The following BDH1 variants were observed in gnomAD, a reference collection of about 807,000 sequenced individuals.
BDH1 encodes the protein D-beta-hydroxybutyrate dehydrogenase, mitochondrial.
A neutral mutation model predicts 33.1 loss-of-function variants in BDH1; 30 were observed. The ratio of observed to expected loss-of-function variants is 0.91; its 90% CI spans 0.68 to 1.23. The LOEUF is 1.23. Among genes scored for constraint, BDH1 ranks in the 50% most tolerant of loss-of-function variants. The pLI is 0.00. For synonymous variants in BDH1, 190 were observed against 183.6 expected (o/e 1.03, Z -0.28); for missense variants, 443 against 464.4 (o/e 0.95, Z 0.42).
At position 197,511,590 on chromosome 3, in the gene BDH1, ATC is replaced by A. The variant is rs1199149479; in HGVS notation, c.*303_*304del. 5.2e-6 allele frequency: 2 copies of A among 382,182 alleles called. No homozygotes were observed. Among genetic ancestry groups the A allele is most frequent in the Non-Finnish European group, 9.3e-6 (2 of 214,720 alleles). The allele number at this position is 382,182 out of a possible 1,614,324, so 23.7% of individuals were successfully genotyped here. A position where few individuals can be genotyped will look rare whatever the true frequency, so the allele number is the denominator to read the frequency against. On this transcript the variant is annotated 3_prime_UTR_variant, in exon 8 of 8. Coordinates refer to ENST00000392379, the MANE Select transcript of BDH1 (RefSeq NM_203314.3). Reference sequence around the variant, plus strand: ...GAGACTGGCTTAAGGATCAAATGAGATCTGTTTTTAATATAAAGATGTTTTCT... The same window carrying A: ...GAGACTGGCTTAAGGATCAAATGAGATGTTTTTAATATAAAGATGTTTTCT...
chr3:197,516,497 C>T lies in BDH1; in HGVS notation c.410-2081G>A, dbSNP rs1712739041. On this transcript the variant is annotated intron_variant, in intron 6 of 7. Coordinates refer to ENST00000392379, the MANE Select transcript of BDH1 (RefSeq NM_203314.3). This position sits in a 1 kb window ranked among gnomAD's most constrained non-coding sequence, Gnocchi z 4.2. ...CCTCAGCCAATGTTCTGAATAAACT[C>T]ACGGAGGCATGCCCGCTGGTTGGGT... Among the ~76,000 whole-genome samples the T allele has an allele frequency of 6.6e-6, 1 of 152,126 alleles. No homozygotes were observed. Among genetic ancestry groups the T allele is most frequent in the South Asian group, 2.1e-4 (1 of 4,824 alleles).
chr3:197,549,138 T>C (rs1021802278), intron 2 of BDH1, among the ~76,000 whole-genome samples: 3 of 152,154 alleles, frequency 2.0e-5, no homozygotes, highest in Non-Finnish European at 4.4e-5. Flanking sequence ...CTCCTCAGCC[T>C]TGAAAGTCAA....
chr3:197,515,953 A>G lies in BDH1; in HGVS notation c.410-1537T>C, dbSNP rs186120400. ...GCTCTATCCTCTCCATCTCCCTTCC[A>G]TACCACACTGGGTCCCAGCCCTCAG... On this transcript the variant is annotated intron_variant, in intron 6 of 7. Coordinates refer to ENST00000392379, the MANE Select transcript of BDH1 (RefSeq NM_203314.3). 7.2e-3 allele frequency: 1,111 copies of G among 153,676 alleles called. 13 individuals carry two copies. The highest frequency in any genetic ancestry group is 0.025 in the African/African-American group (1,038 of 41,458). The allele number at this position is 153,676 out of a possible 1,614,324, so 9.5% of individuals were successfully genotyped here.
At chr3:197,532,223 A>C (rs571978526) in intron 5 of BDH1, among the ~76,000 whole-genome samples, 189 bp downstream of exon 5, 2 of 152,270 alleles carry the variant, frequency 1.3e-5, no homozygotes, top group Admixed American at 1.3e-4. Context: ...GAGAGGATGG[A>C]TGGATGGATG....
chr3:197,552,595 T>C (rs945632455), intron 2 of BDH1, among the ~76,000 whole-genome samples: 1 of 152,186 alleles, frequency 6.6e-6, no homozygotes, highest in African/African-American at 2.4e-5. Flanking sequence ...TCAGGGCCTT[T>C]GTCCTTACTG....
chr3:197,564,187 G>T (rs1217686379), intron 1 of BDH1, among the ~76,000 whole-genome samples: 2 of 150,166 alleles, frequency 1.3e-5, no homozygotes, highest in Non-Finnish European at 2.9e-5. Flanking sequence ...ATATAAGAAA[G>T]AATCTTGTAT....
chr3:197,550,390 C>T (rs1290102293), intron 2 of BDH1, among the ~76,000 whole-genome samples: 1 of 152,234 alleles, frequency 6.6e-6, no homozygotes, highest in Admixed American at 6.5e-5. Context: ...TCCGATAACA[C>T]ACCACATACA....
chr3:197,567,565 C>T (rs1006518158), intron 1 of BDH1, among the ~76,000 whole-genome samples: 1 of 152,192 alleles, frequency 6.6e-6, no homozygotes, highest in Non-Finnish European at 1.5e-5. Context: ...CTTCTCATGT[C>T]TCTCTAAAAT....
At chr3:197,539,505 G>T (rs1448100387) in intron 3 of BDH1, among the ~76,000 whole-genome samples, 1 of 152,196 alleles carries the variant, frequency 6.6e-6, no homozygotes, top group Non-Finnish European at 1.5e-5. Flanking sequence ...CTTGCCTGGG[G>T]ATCAGACTGT....
intron 2 of BDH1, among the ~76,000 whole-genome samples, chr3:197,551,149 C>T (rs954041360): frequency 1.3e-5 from 2 of 152,174 alleles, no homozygotes; most frequent in African/African-American, 2.4e-5. Context: ...CTAGCAAATA[C>T]TAGTTCTTAT....
intron 5 of BDH1, chr3:197,530,727 T>C (rs536764853): frequency 5.9e-5 from 9 of 152,712 alleles, no homozygotes; most frequent in Admixed American, 5.2e-4. Context: ...ATCCGCCCAC[T>C]CAGTGGGTGC....
chr3:197,539,651 C>T (rs531711653), intron 3 of BDH1, among the ~76,000 whole-genome samples: 1 of 152,362 alleles, frequency 6.6e-6, no homozygotes, highest in Admixed American at 6.5e-5. Context: ...TTTGCAGACC[C>T]TGCACTGGAT....
rs969682663 is a variant in BDH1 at position 197,528,708 on chromosome 3, T to C, written c.267+3704A>G. 8 of 152,230 alleles carry C rather than the reference T, an allele frequency of 5.3e-5. No individual in the cohort carries two copies. Among genetic ancestry groups the C allele is most frequent in the African/African-American group, 1.9e-4 (8 of 41,456 alleles). The allele number at this position is 152,230 out of a possible 1,614,324, so 9.4% of individuals were successfully genotyped here. A position where few individuals can be genotyped will look rare whatever the true frequency, so the allele number is the denominator to read the frequency against. ...AGCTTGTCTGGTACTTTCTTCAAAA[T>C]ACCAGTCAACCAATTCTAGAATCAC... On this transcript the variant is annotated intron_variant, in intron 5 of 7. Transcript: ENST00000392379. The surrounding 1 kb of genome is among the most constrained non-coding windows in gnomAD (Gnocchi z 5.1).
At position 197,510,685 on chromosome 3, in the gene BDH1, GTGTGTGT is replaced by G; in HGVS notation, c.*1203_*1209del. On this transcript the variant is annotated 3_prime_UTR_variant, in exon 8 of 8. Transcript: ENST00000392379. ...GTGTGTGTGTGTACATGTGTGTAAG[GTGTGTGT>G]GTGTGTGTGTGTGTGTGTGTGTGTG... 2 of 12,880 alleles carry G rather than the reference GTGTGTGT, an allele frequency of 1.6e-4. No individual in the cohort carries two copies. The highest frequency in any genetic ancestry group is 1.8e-4 in the Non-Finnish European group (1 of 5,588). 0.8% of individuals were successfully genotyped at this position (12,880 alleles called of 1,614,324 possible).
At chr3:197,553,688 T>A (rs1716762019) in intron 2 of BDH1, among the ~76,000 whole-genome samples, 1 of 152,200 alleles carries the variant, frequency 6.6e-6, no homozygotes, top group South Asian at 2.1e-4. Flanking sequence ...AGGGCCACCA[T>A]GTGCAGTCAT....
In BDH1 at chr3:197,546,407, G is replaced by C. The variant is rs771281316; in HGVS notation, c.37C>G (p.Leu13Val). Residue 13 changes from leucine (L) to valine (V), a missense_variant, in exon 3 of 8, where the codon CTC (leucine) becomes GTC (valine). By Grantham distance (32) the Leu-to-Val change is conservative (BLOSUM62 1). Transcript: ENST00000392379. ...CAGGCACTTAGGGTTTTTCCTGGGA[G>C]CCGTGACAGGGGTCTGGAGAGGCGG... Reference protein sequence around the residue: ...ATRLSRPLSRLPGKTLSACDR... With the variant: ...ATRLSRPLSRVPGKTLSACDR... 13 of 1,614,054 alleles carry C rather than the reference G, an allele frequency of 8.1e-6. No individual in the cohort carries two copies. In the South Asian group the frequency reaches 1.3e-4, roughly 16 times the overall value.
rs900141836 is a variant in BDH1 at position 197,526,469 on chromosome 3, G to C, written c.268-3688C>G. On this transcript the variant is annotated intron_variant, in intron 5 of 7. Coordinates refer to ENST00000392379, the MANE Select transcript of BDH1 (RefSeq NM_203314.3). This position sits in a 1 kb window ranked among gnomAD's most constrained non-coding sequence, Gnocchi z 4.7. ...GCACAAAAGCCAGCTCTTCCTTCTT[G>C]GGGTGCTTCTGTGGAGTCTACAAAG... Among the ~76,000 whole-genome samples, 1 of 152,162 alleles carries C rather than the reference G, an allele frequency of 6.6e-6. No individual in the cohort carries two copies. The highest frequency in any genetic ancestry group is 1.5e-5 in the Non-Finnish European group (1 of 68,018).
intron 1 of BDH1, among the ~76,000 whole-genome samples, chr3:197,563,783 G>A (rs966889577): frequency 1.3e-5 from 2 of 152,022 alleles, no homozygotes; most frequent in Non-Finnish European, 1.5e-5. Flanking sequence ...CAATATAAAA[G>A]GAACCAGGAA....
At chr3:197,573,086 C>G (rs1307432780) in intron 1 of BDH1, 1 of 152,216 alleles carries the variant, frequency 6.6e-6, no homozygotes, top group Non-Finnish European at 1.5e-5. Context: ...TCCCCAACCT[C>G]CTCCCTTTCT....
Sources: gnomAD v4.1 joint callset for allele counts (sites outside exome capture counted in the v4.1 genomes callset) on GRCh38, gnomAD v4.1.1 for gene constraint, Gnocchi (gnomAD v3.1) non-coding constraint, MANE v1.5 for transcripts, NCBI Gene and HGNC (gene_info 2026-07-23, HGNC 2026-07-21) for gene names.